The following AVEN variants were observed in gnomAD, a reference collection of about 807,000 sequenced individuals.
AVEN encodes cell death regulator Aven.
AVEN carries 41 observed loss-of-function variants against 38.1 expected under a neutral mutation model. That is an observed-to-expected ratio of 1.08 (90% CI 0.84 to 1.40). The LOEUF is 1.40. Ranked by LOEUF, AVEN falls within the 40% of genes most tolerant of loss-of-function variation. The pLI, the probability that AVEN is intolerant of heterozygous loss-of-function variation, is 0.00. For missense variants in AVEN, 605 were observed against 438.8 expected, an observed-to-expected ratio of 1.38 and a Z score of -3.38; for synonymous variants, 206 against 171.8, an observed-to-expected ratio of 1.20 and a Z score of -1.56.
chr15:33,864,013 A>C, downstream of AVEN: 1 of 639,972 alleles, frequency 1.6e-6, no homozygotes, highest in African/African-American at 1.8e-5. Context: ...CACTTCCCTG[A>C]TCATTTAAGT....
intron 2 of AVEN, among the ~76,000 whole-genome samples, chr15:33,967,810 C>G (rs1004872774): frequency 2.0e-5 from 3 of 151,478 alleles, no homozygotes; most frequent in South Asian, 2.1e-4. Context: ...TGGATTTCAT[C>G]TAACTTAAGG....
intron 1 of AVEN, among the ~76,000 whole-genome samples, chr15:34,072,318 A>G (rs1307006567): frequency 6.6e-6 from 1 of 150,872 alleles, no homozygotes; most frequent in Non-Finnish European, 1.5e-5. Flanking sequence ...ATAAGCAAAT[A>G]AAAAATTACC....
intron 1 of AVEN, among the ~76,000 whole-genome samples, chr15:34,034,309 T>G (rs921936739): frequency 4.6e-5 from 7 of 152,124 alleles, no homozygotes; most frequent in African/African-American, 1.7e-4. Flanking sequence ...GGTATGGTGG[T>G]TCACGCCTGT....
At chr15:33,995,437 G>A (rs1306268293) in intron 2 of AVEN, among the ~76,000 whole-genome samples, 1 of 152,088 alleles carries the variant, frequency 6.6e-6, no homozygotes, top group Non-Finnish European at 1.5e-5. Context: ...TTTTTGCATA[G>A]GTTATATGCA....
At chr15:33,895,962 T>C (rs1344029627) in intron 2 of AVEN, among the ~76,000 whole-genome samples, 2 of 152,118 alleles carry the variant, frequency 1.3e-5, no homozygotes, top group Admixed American at 6.6e-5. Context: ...AGGCAGTGGG[T>C]AGAGAATTCC....
chr15:33,852,248 C>T, the AVEN span: 2 of 152,102 alleles, frequency 1.3e-5, no homozygotes, highest in African/African-American at 4.8e-5. Context: ...TACAAGGAAC[C>T]CCCCCACAGG....
intron 2 of AVEN, among the ~76,000 whole-genome samples, chr15:33,974,504 T>C (rs539183856): frequency 6.6e-6 from 1 of 152,322 alleles, no homozygotes; most frequent in East Asian, 1.9e-4. Context: ...TCAACCCCTA[T>C]GATAGAAATT....
intron 2 of AVEN, among the ~76,000 whole-genome samples, chr15:33,984,493 C>G (rs941000671): frequency 2.0e-5 from 3 of 151,916 alleles, no homozygotes; most frequent in Non-Finnish European, 4.4e-5. Context: ...ACCTCCACCT[C>G]CCTGGTTCAA....
intron 2 of AVEN, among the ~76,000 whole-genome samples, chr15:33,930,954 C>A (rs1431361468): frequency 1.3e-3 from 146 of 111,762 alleles, no homozygotes; most frequent in African/African-American, 3.2e-3. Flanking sequence ...GACTCTGTCT[C>A]AAAAAAAAAA....
At chr15:34,047,630 T>C (rs577473735) in intron 5 of AVEN, among the ~76,000 whole-genome samples, 1 of 152,308 alleles carries the variant, frequency 6.6e-6, no homozygotes, top group East Asian at 1.9e-4. Context: ...TGTGGTTCAG[T>C]TGACTCAGCC....
At chr15:33,909,776 G>A (rs1035501619) in intron 2 of AVEN, among the ~76,000 whole-genome samples, 1 of 152,132 alleles carries the variant, frequency 6.6e-6, no homozygotes, top group South Asian at 2.1e-4. Flanking sequence ...ATTTTATCAG[G>A]TATATAAAAT....
intron 2 of AVEN, among the ~76,000 whole-genome samples, chr15:33,942,153 T>C (rs1254670750): frequency 6.6e-6 from 1 of 152,232 alleles, no homozygotes; most frequent in Non-Finnish European, 1.5e-5. Flanking sequence ...TCAGTTACTA[T>C]TTCCAATTAC....
chr15:33,988,901 A>C (rs1277934597), intron 2 of AVEN, among the ~76,000 whole-genome samples: 2 of 152,226 alleles, frequency 1.3e-5, no homozygotes, highest in African/African-American at 4.8e-5. Flanking sequence ...TGCCCAGTTA[A>C]CACTCATAAC....
chr15:34,008,954 GCA>G (rs57211791), intron 1 of AVEN, among the ~76,000 whole-genome samples: 3 of 103,112 alleles, frequency 2.9e-5, no homozygotes, highest in African/African-American at 7.8e-5. Flanking sequence ...GTGCGCGCGC[GCA>G]CACACACACA....
intron 2 of AVEN, among the ~76,000 whole-genome samples, chr15:33,955,439 T>C (rs1894918052): frequency 6.6e-6 from 1 of 152,198 alleles, no homozygotes; most frequent in South Asian, 2.1e-4. Context: ...TCTGCAGGCA[T>C]AATCCACAAC....
intron 2 of AVEN, among the ~76,000 whole-genome samples, chr15:33,941,837 A>G (rs746466613): frequency 6.6e-6 from 1 of 152,210 alleles, no homozygotes; most frequent in Non-Finnish European, 1.5e-5. Flanking sequence ...CAATACTTGT[A>G]CAAGTAGAAC....
intron 2 of AVEN, among the ~76,000 whole-genome samples, chr15:33,981,976 T>C (rs1896170169): frequency 6.6e-6 from 1 of 151,694 alleles, no homozygotes; most frequent in African/African-American, 2.4e-5. Flanking sequence ...TCAGCCTCCC[T>C]AGTAGCTGGG....
intron 2 of AVEN, among the ~76,000 whole-genome samples, chr15:33,974,627 T>C (rs1415741216): frequency 6.6e-6 from 1 of 152,204 alleles, no homozygotes; most frequent in Non-Finnish European, 1.5e-5. Context: ...ATAATGCATG[T>C]GTACGTCCTC....
chr15:34,051,228 AC>A (rs1279111566), intron 5 of AVEN, among the ~76,000 whole-genome samples: 1 of 152,220 alleles, frequency 6.6e-6, no homozygotes, highest in Admixed American at 6.5e-5. Context: ...AAACTGAACA[AC>A]CTACTCCTGA....
Sources: gnomAD v4.1 joint callset for allele counts (sites outside exome capture counted in the v4.1 genomes callset) on GRCh38, gnomAD v4.1.1 for gene constraint, MANE v1.5 for transcripts, NCBI Gene and HGNC (gene_info 2026-07-23, HGNC 2026-07-21) for gene names.